The following SORBS2 variants were observed in gnomAD, a reference collection of about 807,000 sequenced individuals.
SORBS2 encodes sorbin and SH3 domain-containing protein 2.
A neutral mutation model predicts 97.7 loss-of-function variants in SORBS2; 46 were observed. The observed-to-expected ratio is 0.47, with a 90% CI of 0.37 to 0.60. The LOEUF (loss-of-function observed/expected upper bound fraction) is 0.60. SORBS2 is among the 20% of genes least tolerant of loss of function. SORBS2 has a pLI of 0.00. For synonymous variants in SORBS2, 476 were observed against 473.4 expected (o/e 1.01, Z -0.07); for missense variants, 1,316 against 1,282.3 (o/e 1.03, Z -0.40).
At chr4:185,660,112 G>A (rs1050643936), upstream of SORBS2, among the ~76,000 whole-genome samples, 2 of 152,204 alleles carry the variant, frequency 1.3e-5, no homozygotes, top group East Asian at 1.9e-4. Flanking sequence ...TGTTTACATT[G>A]GGAATTTCTT....
At chr4:185,796,123 CT>C (rs1371592275) in intron 1 of SORBS2, among the ~76,000 whole-genome samples, 2 of 152,106 alleles carry the variant, frequency 1.3e-5, no homozygotes, top group East Asian at 3.9e-4. Context: ...CCAGGGTGGT[CT>C]CAAACTACTG....
intron 4 of SORBS2, chr4:185,677,382 C>T (rs1044444068): frequency 1.2e-5 from 18 of 1,552,186 alleles, no homozygotes; most frequent in African/African-American, 2.7e-5. Context: ...AGGATCCGTG[C>T]TGGAAGCTGC....
chr4:185,867,868 C>A (rs1017846708), intron 1 of SORBS2, among the ~76,000 whole-genome samples: 10 of 152,112 alleles, frequency 6.6e-5, no homozygotes, highest in Admixed American at 2.0e-4. Context: ...GGGGCACCGT[C>A]TCTAGGGGCA....
chr4:185,789,728 CT>C (rs1183332943), intron 1 of SORBS2, among the ~76,000 whole-genome samples: 1 of 151,966 alleles, frequency 6.6e-6, no homozygotes, highest in East Asian at 1.9e-4. Flanking sequence ...GACATTATAA[CT>C]TTTTAATTCT....
At chr4:185,945,946 A>C (rs1216173920) in intron 1 of SORBS2, among the ~76,000 whole-genome samples, 1 of 152,210 alleles carries the variant, frequency 6.6e-6, no homozygotes, top group Admixed American at 6.5e-5. Context: ...CTTCATGGCA[A>C]TGGGGCAGAG....
rs574912273 is a variant in SORBS2, at chr4:185,847,456, G to A, written c.-337-72090C>T. Among the ~76,000 whole-genome samples the A allele has an allele frequency of 6.6e-5, 10 of 152,194 alleles. No individual in the cohort carries two copies. In the South Asian group the frequency reaches 1.2e-3, roughly 19 times the overall value. On this transcript the variant is annotated intron_variant, in intron 1 of 20. Transcript: ENST00000284776. The stretch of plus-strand genomic sequence containing the variant: ...CCAGAAAATCAAGCTGAACACATGC[G>A]TCAATGGTGAACAATTATAGCTCAG...
chr4:185,942,159 T>C (rs1184184281), intron 1 of SORBS2, among the ~76,000 whole-genome samples: 1 of 152,062 alleles, frequency 6.6e-6, no homozygotes, highest in East Asian at 1.9e-4. Context: ...CTAAGCAAGA[T>C]ACTGATGAAA....
chr4:185,673,382 T>A (rs1050427521), intron 4 of SORBS2, among the ~76,000 whole-genome samples: 10 of 152,150 alleles, frequency 6.6e-5, no homozygotes, highest in Non-Finnish European at 8.8e-5. Context: ...CTACCTTTTT[T>A]AAAAAGCCTT....
At chr4:185,838,783 A>AG (rs2099209732) in intron 1 of SORBS2, among the ~76,000 whole-genome samples, 2 of 152,232 alleles carry the variant, frequency 1.3e-5, no homozygotes, top group East Asian at 3.9e-4. Flanking sequence ...GTTAAGTCCT[A>AG]GTTAAGTAAC....
intron 1 of SORBS2, among the ~76,000 whole-genome samples, chr4:185,785,997 G>GA (rs1445019368): frequency 2.0e-5 from 3 of 151,780 alleles, no homozygotes; most frequent in Non-Finnish European, 2.9e-5. Flanking sequence ...TACATTACAC[G>GA]GAAAAAAATT....
intron 1 of SORBS2, among the ~76,000 whole-genome samples, chr4:185,954,426 A>G (rs1486276249): frequency 6.6e-6 from 1 of 152,216 alleles, no homozygotes; most frequent in Non-Finnish European, 1.5e-5. Context: ...CTTTTTAAAT[A>G]TTAGATGTAC....
At chr4:185,765,884 T>C (rs1272731632) in intron 2 of SORBS2, among the ~76,000 whole-genome samples, 1 of 152,244 alleles carries the variant, frequency 6.6e-6, no homozygotes, top group Non-Finnish European at 1.5e-5. Context: ...CAGTCTTCTA[T>C]TATATCAATA....
intron 1 of SORBS2, among the ~76,000 whole-genome samples, chr4:185,850,653 T>C (rs2099217341): frequency 6.6e-6 from 1 of 152,214 alleles, no homozygotes; most frequent in Admixed American, 6.5e-5. Context: ...TCATATGTTT[T>C]ACAAGACTCT....
At chr4:185,617,405 C>T (rs1341667186) in intron 9 of SORBS2, among the ~76,000 whole-genome samples, 1 of 152,088 alleles carries the variant, frequency 6.6e-6, no homozygotes, top group Admixed American at 6.6e-5. Flanking sequence ...AGTTCATTTC[C>T]TATCTCAGCA....
At chr4:185,849,868 C>G (rs532027785) in intron 1 of SORBS2, among the ~76,000 whole-genome samples, 2 of 152,278 alleles carry the variant, frequency 1.3e-5, no homozygotes, top group East Asian at 3.9e-4. Context: ...AAATGAAGAA[C>G]AGTTCTAGGC....
At chr4:185,934,963 G>A (rs1353998650) in intron 1 of SORBS2, among the ~76,000 whole-genome samples, 1 of 152,082 alleles carries the variant, frequency 6.6e-6, no homozygotes, top group Non-Finnish European at 1.5e-5. Flanking sequence ...ACTGAGTCAG[G>A]TCGCTTCTCC....
rs150716383 is a variant in SORBS2, at chr4:185,854,319, A to T, written c.-337-78953T>A. Among the ~76,000 whole-genome samples, 466 of 152,282 alleles carry T rather than the reference A, an allele frequency of 3.1e-3. 5 individuals carry two copies. The highest frequency in any genetic ancestry group is 0.01 in the African/African-American group (430 of 41,562). ...ATTTGAACTAAAATCTAACTCTAAG[A>T]GGTCACTGAAGTAGAAAAATGGAAC... On this transcript the variant is annotated intron_variant, in intron 1 of 20. Coordinates refer to the SORBS2 transcript ENST00000284776.
intron 1 of SORBS2, among the ~76,000 whole-genome samples, chr4:185,805,948 C>T (rs905632655): frequency 2.0e-5 from 3 of 152,196 alleles, no homozygotes; most frequent in Admixed American, 2.0e-4. Context: ...GGTGTGAAGG[C>T]ATCTTGATAA....
chr4:185,647,476 G>T (rs868496022), intron 3 of SORBS2, among the ~76,000 whole-genome samples: 30 of 146,170 alleles, frequency 2.1e-4, no homozygotes, highest in African/African-American at 7.4e-4. Context: ...GCAGTGGTGT[G>T]ATCACAGCTC....
Sources: allele counts gnomAD v4.1 joint callset (sites outside exome capture counted in the v4.1 genomes callset), GRCh38; gene constraint gnomAD v4.1.1; transcripts MANE v1.5; gene names NCBI Gene and HGNC (gene_info 2026-07-23, HGNC 2026-07-21).